The following KAZN variants were observed in gnomAD, a reference collection of about 807,000 sequenced individuals.
The protein encoded by KAZN is kazrin.
A neutral mutation model predicts 87.4 loss-of-function variants in KAZN; 40 were observed. The observed-to-expected ratio is 0.46, with a 90% CI of 0.36 to 0.60. The LOEUF is 0.60. KAZN is among the 20% of genes least tolerant of loss of function. The pLI is 0.00. For synonymous variants in KAZN, 466 were observed against 458.3 expected (o/e 1.02, Z -0.22); for missense variants, 898 against 1,073.9 (o/e 0.84, Z 2.29).
chr1:14,858,209 C>CTTTTTTTTTTTTTTTT lies in KAZN; in HGVS notation c.227-102471_227-102470insTTTTTTTTTTTTTTTT, dbSNP rs762613728. On this transcript the variant is annotated intron_variant, in intron 1 of 14. Coordinates refer to ENST00000376030, the MANE Select transcript of KAZN (RefSeq NM_201628.3). ...CTTTCTTTTTTTCTTTTTTCTTTTT[C>CTTTTTTTTTTTTTTTT]TTTTCTTTTTTTTTTTTTTTTGAGA... is the stretch of plus-strand genomic sequence containing the variant. Among the ~76,000 whole-genome samples, 168 of 115,860 alleles carry CTTTTTTTTTTTTTTTT rather than the reference C, an allele frequency of 1.5e-3. 17 individuals carry two copies. The highest frequency in any genetic ancestry group is 5.0e-3 in the Middle Eastern group (1 of 200). The allele number at this position is 115,860 out of a possible 152,430, so 76.0% of individuals were successfully genotyped here.
intron 1 of KAZN, chr1:14,124,189 T>C (rs1411050102): frequency 1.3e-5 from 2 of 152,358 alleles, no homozygotes; most frequent in East Asian, 3.9e-4. Flanking sequence ...CACTGTTTCC[T>C]TGGAGCAAGT....
chr1:14,333,684 A>C (rs2100878834), intron 2 of KAZN, among the ~76,000 whole-genome samples: 1 of 152,306 alleles, frequency 6.6e-6, no homozygotes, highest in Middle Eastern at 3.4e-3. Context: ...GGACAAGAGA[A>C]ACAGCATGGA....
At chr1:13,961,056 G>A (rs72639091) in intron 1 of KAZN, among the ~76,000 whole-genome samples, 10,476 of 152,170 alleles carry the variant, frequency 0.069, 536 homozygotes, top group East Asian at 0.3. Flanking sequence ...AAGAGACAAC[G>A]TTCCTGCATT....
intron 2 of KAZN, among the ~76,000 whole-genome samples, chr1:14,259,397 A>G (rs147118687): frequency 6.6e-6 from 1 of 152,182 alleles, no homozygotes; most frequent in East Asian, 1.9e-4. Flanking sequence ...GACGGCGGCC[A>G]TGGCACAGAG....
chr1:14,662,949 A>ATATATG (rs1294103954), intron 1 of KAZN, among the ~76,000 whole-genome samples: 2 of 145,888 alleles, frequency 1.4e-5, no homozygotes, highest in East Asian at 3.9e-4. Context: ...ATGTAAATAT[A>ATATATG]TATATATATG....
rs181434105 is a variant in KAZN, at chr1:14,385,463, T to C, written c.249+204871T>C. 1.1e-3 allele frequency among the ~76,000 whole-genome samples: 165 copies of C among 152,292 alleles called. 6 individuals carry two copies. In the East Asian group the frequency reaches 0.028, roughly 26 times the overall value. On this transcript the variant is annotated intron_variant, in intron 2 of 16. Transcript: ENST00000636203. Reference sequence around the variant, plus strand: ...TTGTGGGCATTTAGTGCTATAAATTTCCCTCCACACACTGCTTTGAATGTG... The same window carrying C: ...TTGTGGGCATTTAGTGCTATAAATTCCCCTCCACACACTGCTTTGAATGTG...
intron 1 of KAZN, among the ~76,000 whole-genome samples, chr1:14,682,373 G>A (rs1368893608): frequency 1.3e-5 from 2 of 150,292 alleles, no homozygotes; most frequent in African/African-American, 4.9e-5. Flanking sequence ...TTGCAGCCTC[G>A]ACCTCCTGGG....
At chr1:14,637,965 C>T (rs529192549) in intron 1 of KAZN, among the ~76,000 whole-genome samples, 1 of 152,156 alleles carries the variant, frequency 6.6e-6, no homozygotes, top group East Asian at 1.9e-4. Context: ...TCCCACACCT[C>T]TCTCCCCGTC....
chr1:14,951,044 T>C (rs1662417805), intron 1 of KAZN, among the ~76,000 whole-genome samples: 1 of 152,164 alleles, frequency 6.6e-6, no homozygotes, highest in Admixed American at 6.5e-5. Flanking sequence ...CTAGGGTTTT[T>C]AAGGGGATTG....
chr1:14,006,041 A>T (rs1292227979), intron 1 of KAZN, among the ~76,000 whole-genome samples: 1 of 152,216 alleles, frequency 6.6e-6, no homozygotes, highest in Non-Finnish European at 1.5e-5. Context: ...AAATATATAT[A>T]TTTTGGATAT....
At chr1:14,657,701 A>G (rs970310551) in intron 1 of KAZN, among the ~76,000 whole-genome samples, 1 of 152,070 alleles carries the variant, frequency 6.6e-6, no homozygotes, top group Non-Finnish European at 1.5e-5. Flanking sequence ...GACATGAGTT[A>G]AGCTCCTTGA....
At chr1:14,580,039 C>A (rs1034673325) in intron 2 of KAZN, among the ~76,000 whole-genome samples, 1 of 152,190 alleles carries the variant, frequency 6.6e-6, no homozygotes, top group Non-Finnish European at 1.5e-5. Context: ...CATTGTCACT[C>A]ACAGCTACAG....
chr1:14,089,527 A>G (rs1343046833), intron 1 of KAZN, among the ~76,000 whole-genome samples: 1 of 152,180 alleles, frequency 6.6e-6, no homozygotes, highest in Non-Finnish European at 1.5e-5. Context: ...CTCAAATAAT[A>G]GGATATTGTC....
upstream of KAZN, among the ~76,000 whole-genome samples, chr1:14,595,680 C>CAAAA (rs34080804): frequency 5.2e-5 from 5 of 96,642 alleles, no homozygotes; most frequent in African/African-American, 1.8e-4. Context: ...GACTGCGTCT[C>CAAAA]AAAAAAAAAA....
chr1:14,210,737 T>A (rs1646837346), intron 2 of KAZN, among the ~76,000 whole-genome samples: 1 of 151,390 alleles, frequency 6.6e-6, no homozygotes, highest in Non-Finnish European at 1.5e-5. Flanking sequence ...TAAACCCATT[T>A]TATGTTAACA....
intron 2 of KAZN, among the ~76,000 whole-genome samples, chr1:14,270,491 CAG>C (rs1022939226): frequency 3.3e-5 from 5 of 152,164 alleles, no homozygotes; most frequent in Non-Finnish European, 4.4e-5. Flanking sequence ...TGAATGATAA[CAG>C]AATCTACTGC....
intron 2 of KAZN, among the ~76,000 whole-genome samples, chr1:14,498,065 G>A (rs76649899): frequency 0.031 from 4,675 of 152,208 alleles, 193 homozygotes; most frequent in East Asian, 0.16. Context: ...TTCAATGTCT[G>A]GGACTCAGTT....
In KAZN at chr1:15,056,049, C is replaced by A; in HGVS notation, c.727-42C>A. ...GCCAAGCAGCTGGCCAAGAGTTCCCCTTGATCATGACTTCTTCTTCCTGTC... is the reference window on the plus strand; with the variant it reads ...GCCAAGCAGCTGGCCAAGAGTTCCCATTGATCATGACTTCTTCTTCCTGTC... On this transcript the variant is annotated intron_variant, in intron 4 of 14. Transcript: ENST00000376030. The surrounding 1 kb of genome is among the most constrained non-coding windows in gnomAD (Gnocchi z 5.4). 1.3e-6 allele frequency: 2 copies of A among 1,567,210 alleles called. No homozygotes were observed. The highest frequency in any genetic ancestry group is 2.3e-5 in the South Asian group (2 of 85,822).
chr1:14,181,566 C>G (rs1359119912), intron 2 of KAZN, among the ~76,000 whole-genome samples: 1 of 152,142 alleles, frequency 6.6e-6, no homozygotes, highest in African/African-American at 2.4e-5. Flanking sequence ...CCTGTCAATG[C>G]CTGAAGCCGC....
Sources: allele counts gnomAD v4.1 joint callset (sites outside exome capture counted in the v4.1 genomes callset), GRCh38; gene constraint gnomAD v4.1.1; non-coding constraint Gnocchi (gnomAD v3.1); transcripts MANE v1.5; gene names NCBI Gene and HGNC (gene_info 2026-07-23, HGNC 2026-07-21).